The following TOP3A variants were observed in gnomAD, a reference collection of about 807,000 sequenced individuals.
The protein encoded by TOP3A is DNA topoisomerase III alpha.
A neutral mutation model predicts 111.3 loss-of-function variants in TOP3A; 64 were observed. That is an observed-to-expected ratio of 0.57 (90% CI 0.47 to 0.71). The LOEUF is 0.71. TOP3A is among the 30% of genes least tolerant of loss of function. The pLI, the probability that TOP3A is intolerant of heterozygous loss-of-function variation, is 0.00. For synonymous variants in TOP3A, 484 were observed against 485.1 expected, an observed-to-expected ratio of 1.00 and a Z score of 0.03; for missense variants, 1,104 against 1,285.0, an observed-to-expected ratio of 0.86 and a Z score of 2.15.
chr17:18,302,613 C>A lies in TOP3A; in HGVS notation c.610G>T (p.Val204Leu). ...AGGTCCAGCTCCTGCCTCACATCCA[C>A]AGCATCGCTCACCCTCTGATCAGGC... ...TEPDQRVSDA[V>L]DVRQELDLRI... The change falls in exon 6 of 19, where the codon GTG becomes TTG. Residue 204 changes from valine to leucine, a missense_variant. Val to Leu is a conservative substitution (Grantham distance 32). Coordinates refer to ENST00000321105, the MANE Select transcript of TOP3A (RefSeq NM_004618.5). 1 of 1,614,220 alleles carries A rather than the reference C, an allele frequency of 6.2e-7. No homozygotes were observed.
chr17:18,274,863 C>T lies in TOP3A; in HGVS notation c.2945G>A (p.Arg982Gln), dbSNP rs765404592. 4.3e-5 allele frequency: 69 copies of T among 1,614,152 alleles called. No homozygotes were observed. In the Admixed American group the frequency reaches 4.5e-4, roughly 11 times the overall value. Residue 982 changes from arginine to glutamine, a missense_variant, in exon 19 of 19, where the codon CGG (arginine) becomes CAG (glutamine). Arg to Gln is a conservative substitution (Grantham distance 43). Coordinates refer to ENST00000321105, the MANE Select transcript of TOP3A (RefSeq NM_004618.5). ...AGGCTGGTGGCAAAGGCTGCATTTC[C>T]GGGGTTTCTTTGCTGTGGACCCCAT... ...SDMGSTAKKPRKCSLCHQPGH... is the reference protein window; with the variant it reads ...SDMGSTAKKPQKCSLCHQPGH...
rs1211971872 is a variant in TOP3A, at chr17:18,273,306, T to C, written c.*1496A>G. ...TGGCTTGTATTATTCACAAGGTTTT[T>C]GTGAAGGCAAACGGGGGAACATGGC... On this transcript the variant is annotated 3_prime_UTR_variant, in exon 19 of 19. Coordinates refer to ENST00000321105, the MANE Select transcript of TOP3A (RefSeq NM_004618.5). 1 of 152,256 alleles carries C rather than the reference T, an allele frequency of 6.6e-6. No individual in the cohort carries two copies. The highest frequency in any genetic ancestry group is 1.5e-5 in the Non-Finnish European group (1 of 68,048). The allele number at this position is 152,256 out of a possible 1,614,324, so 9.4% of individuals were successfully genotyped here.
At chr17:18,294,823 A>C in intron 9 of TOP3A, 38 bp from the exon 10 acceptor site, 1 of 1,402,834 alleles carries the variant, frequency 7.1e-7, no homozygotes. Context: ...GGTGTACTGC[A>C]TGGGTCAGGC....
At chr17:18,292,552 C>T in intron 11 of TOP3A, 93 bp downstream of exon 11, 3 of 1,133,136 alleles carry the variant, frequency 2.6e-6, no homozygotes, top group East Asian at 2.8e-5. Context: ...CTTGTTTTTA[C>T]AATCACAGCC....
At chr17:18,310,404 C>T (rs568655148) in intron 1 of TOP3A, among the ~76,000 whole-genome samples, 64 of 151,940 alleles carry the variant, frequency 4.2e-4, no homozygotes, top group South Asian at 1.5e-3. Flanking sequence ...CCAGCCTGAG[C>T]GACAGTGAGA....
intron 13 of TOP3A, among the ~76,000 whole-genome samples, chr17:18,286,210 G>A (rs12936512): frequency 2.2e-4 from 31 of 139,470 alleles, no homozygotes; most frequent in East Asian, 2.1e-4. Context: ...AAAAAAAAAA[G>A]AAAAAAAAAA....
At chr17:18,310,375 G>A (rs528941456) in intron 1 of TOP3A, among the ~76,000 whole-genome samples, 5 of 152,146 alleles carry the variant, frequency 3.3e-5, no homozygotes, top group East Asian at 3.9e-4. Flanking sequence ...ACAATGAGCC[G>A]AGATCTCATC....
intron 17 of TOP3A, 138 bp downstream of exon 17, chr17:18,280,398 T>C: frequency 1.0e-6 from 1 of 952,860 alleles, no homozygotes; most frequent in Non-Finnish European, 1.5e-6. Flanking sequence ...CCTGCTGAAC[T>C]GGCTGCTGCA....
At position 18,286,209 on chromosome 17, in the gene TOP3A, A is replaced by G. The variant is rs187043081; in HGVS notation, c.1598-689T>C. On this transcript the variant is annotated intron_variant, in intron 13 of 18. Coordinates refer to ENST00000321105, the MANE Select transcript of TOP3A (RefSeq NM_004618.5). ...AGTGAGACTCTCTTTAAAAAAAAAA[A>G]GAAAAAAAAAAGGGCTGGGCGTGGT... 2.2e-3 allele frequency among the ~76,000 whole-genome samples: 306 copies of G among 141,322 alleles called. 1 individual carries two copies. Among genetic ancestry groups the G allele is most frequent in the African/African-American group, 7.4e-3 (294 of 39,636 alleles). 92.7% of individuals were successfully genotyped at this position (141,322 alleles called of 152,430 possible).
intron 1 of TOP3A, among the ~76,000 whole-genome samples, chr17:18,309,798 C>A (rs1012673252): frequency 6.7e-6 from 1 of 149,546 alleles, no homozygotes; most frequent in African/African-American, 2.5e-5. Flanking sequence ...CAAGCTCCAC[C>A]TCCCGGGTTC....
chr17:18,279,214 A>C (rs930348533), intron 17 of TOP3A, among the ~76,000 whole-genome samples: 1 of 152,226 alleles, frequency 6.6e-6, no homozygotes, highest in African/African-American at 2.4e-5. Context: ...CTAAAAAACA[A>C]GTTATTTACA....
rs574488396 is a variant in TOP3A, at chr17:18,314,774, A to C, written c.5T>G (p.Ile2Ser). ...GAGCGCGTAGCGGGCGACAGGAAAGATCATCCTCAGACCTCGCGCCCGGAG... is the reference window on the plus strand; with the variant it reads ...GAGCGCGTAGCGGGCGACAGGAAAGCTCATCCTCAGACCTCGCGCCCGGAG... M[I>S]FPVARYALRW... The change falls in exon 1 of 19, where the codon ATC (isoleucine) becomes AGC (serine). Residue 2 changes from isoleucine (I) to serine (S), a missense_variant. By Grantham distance (142) the Ile-to-Ser change is moderately radical. Coordinates refer to ENST00000321105, the MANE Select transcript of TOP3A (RefSeq NM_004618.5). The C allele has an allele frequency of 1.3e-6, 2 of 1,545,122 alleles. No homozygotes were observed. Among genetic ancestry groups the C allele is most frequent in the African/African-American group, 2.7e-5 (2 of 72,786 alleles).
In TOP3A at chr17:18,275,033, C is replaced by G. The variant is rs1979253034; in HGVS notation, c.2828-53G>C. On this transcript the variant is annotated intron_variant, in intron 18 of 18. Coordinates refer to ENST00000321105, the MANE Select transcript of TOP3A (RefSeq NM_004618.5). ...GGTTAGAACTGACATGCAGAAGTGG[C>G]AAGTCCTGAACACGGTGGCTCATGC... 4 of 1,582,854 alleles carry G rather than the reference C, an allele frequency of 2.5e-6. No homozygotes were observed. In the Admixed American group the frequency reaches 7.1e-5, roughly 28 times the overall value.
intron 11 of TOP3A, among the ~76,000 whole-genome samples, chr17:18,292,052 G>A (rs1202627192): frequency 6.6e-6 from 1 of 152,194 alleles, no homozygotes; most frequent in Non-Finnish European, 1.5e-5. Context: ...ATTAAAAGAA[G>A]GAGGAGAAGA....
intron 11 of TOP3A, 82 bp downstream of exon 11, chr17:18,292,563 C>T: frequency 8.4e-7 from 1 of 1,194,700 alleles, no homozygotes; most frequent in Non-Finnish European, 1.1e-6. Context: ...AATCACAGCC[C>T]ACAGAGTAAA....
chr17:18,301,813 A>T (rs1199379036), intron 8 of TOP3A, 72 bp downstream of exon 8: 1 of 1,297,574 alleles, frequency 7.7e-7, no homozygotes, highest in Non-Finnish European at 1.1e-6. Context: ...AATGAGACAG[A>T]TCACCTCTGC....
intron 4 of TOP3A, among the ~76,000 whole-genome samples, chr17:18,305,490 G>A (rs77487250): frequency 0.4 from 50,200 of 124,054 alleles, 9,408 homozygotes; most frequent in African/African-American, 0.58. Flanking sequence ...ACACACACGC[G>A]CGCGCGCGCG....
chr17:18,281,665 C>T (rs1349197944), intron 16 of TOP3A, among the ~76,000 whole-genome samples: 1 of 152,188 alleles, frequency 6.6e-6, no homozygotes, highest in African/African-American at 2.4e-5. Flanking sequence ...CTGACACCTG[C>T]TTCCAGGTCT....
chr17:18,275,310 A>AAAT (rs1357326867), intron 18 of TOP3A, among the ~76,000 whole-genome samples: 2 of 150,372 alleles, frequency 1.3e-5, no homozygotes, highest in African/African-American at 4.9e-5. Context: ...AAAAAAAAAA[A>AAAT]AAAAAAGAGC....
Sources: allele counts gnomAD v4.1 joint callset (sites outside exome capture counted in the v4.1 genomes callset), GRCh38; gene constraint gnomAD v4.1.1; transcripts MANE v1.5; gene names NCBI Gene and HGNC (gene_info 2026-07-23, HGNC 2026-07-21).